Variants in ZC3H8 observed in about 807,000 individuals in gnomAD.
The protein encoded by ZC3H8 is zinc finger CCCH-type containing 8, also known as zinc finger CCCH domain-containing protein 8.
Under a neutral mutation model 42.5 loss-of-function variants are expected in ZC3H8, and 27 were observed. The ratio of observed to expected loss-of-function variants is 0.64; its 90% CI spans 0.47 to 0.88. ZC3H8 has a LOEUF of 0.88. Among genes scored for constraint, ZC3H8 ranks in the 40% least tolerant of loss-of-function variants. The probability of loss-of-function intolerance (pLI) is 0.00; values close to 1 mark genes in which losing one functional copy is unlikely to be tolerated. For synonymous variants in ZC3H8, 101 were observed against 110.1 expected, an observed-to-expected ratio of 0.92 and a Z score of 0.52; for missense variants, 277 against 336.1, an observed-to-expected ratio of 0.82 and a Z score of 1.37.
rs895131201 is a variant in ZC3H8, at chr2:112,211,546, AT to A, written c.*4937del. Reference sequence around the variant, plus strand: ...AAACTTTATTTCATAGTAAACTTTTATTTAACTATGTACAACTTCAGTTAAA... The same window carrying A: ...AAACTTTATTTCATAGTAAACTTTTATTAACTATGTACAACTTCAGTTAAA... On this transcript the variant is annotated 3_prime_UTR_variant, in exon 9 of 9. Transcript: ENST00000409573. 1.3e-5 allele frequency: 2 copies of A among 152,208 alleles called. No individual in the cohort carries two copies. The highest frequency in any genetic ancestry group is 4.8e-5 in the African/African-American group (2 of 41,448). The allele number at this position is 152,208 out of a possible 1,614,324, so 9.4% of individuals were successfully genotyped here. A position where few individuals can be genotyped will look rare whatever the true frequency, so the allele number is the denominator to read the frequency against.
chr2:112,230,988 AT>A, intron 7 of ZC3H8, 38 bp from the exon 8 acceptor site: 1 of 1,164,700 alleles, frequency 8.6e-7, no homozygotes. Flanking sequence ...ATTTTTATGC[AT>A]TCATGTGTAA....
intron 2 of ZC3H8, among the ~76,000 whole-genome samples, chr2:112,249,119 A>G (rs530895548): frequency 2.0e-5 from 3 of 152,242 alleles, no homozygotes; most frequent in African/African-American, 7.2e-5. Context: ...GAATTGCTTG[A>G]GTCCAGAAGG....
intron 8 of ZC3H8, among the ~76,000 whole-genome samples, chr2:112,220,731 G>A (rs548685323): frequency 6.6e-6 from 1 of 152,230 alleles, no homozygotes; most frequent in East Asian, 1.9e-4. Flanking sequence ...TGAGGCAGGA[G>A]AATCACTTGA....
At chr2:112,250,349 G>T in intron 1 of ZC3H8, 77 bp from the exon 2 acceptor site, 1 of 999,866 alleles carries the variant, frequency 1.0e-6, no homozygotes, top group Non-Finnish European at 1.4e-6. Flanking sequence ...ACAATTCACT[G>T]CTTTGGCTTG....
At chr2:112,243,142 C>A (rs963543829) in intron 2 of ZC3H8, among the ~76,000 whole-genome samples, 11 of 152,144 alleles carry the variant, frequency 7.2e-5, no homozygotes, top group Non-Finnish European at 1.6e-4. Context: ...CTGTGCTGTT[C>A]AAAGTTAAAA....
chr2:112,230,439 CTAAA>C (rs1305140282), intron 8 of ZC3H8, among the ~76,000 whole-genome samples: 1 of 151,898 alleles, frequency 6.6e-6, no homozygotes, highest in African/African-American at 2.4e-5. Flanking sequence ...TGAAAATAAC[CTAAA>C]TATTCATTAA....
Position 112,238,317 on chromosome 2 carries a change from T to C in ZC3H8, c.368A>G (p.Gln123Arg), listed in dbSNP as rs1685435758. The C allele has an allele frequency of 6.2e-7, 1 of 1,612,930 alleles. No homozygotes were observed. ...TGATAAAATAGTTTGACTCTTACCC[T>C]GTGGGGTATCTTTTACTCCTTCTTT... ...TKKEGVKDTP[Q>R]AAKQKNKNLK... is the part of the protein sequence containing the mutation. Residue 123 changes from glutamine to arginine, a missense_variant and splice_region_variant, in exon 3 of 9, where the codon CAG (glutamine) becomes CGG (arginine). Physicochemically the swap from Gln to Arg is conservative, Grantham distance 43. Transcript: ENST00000409573.
chr2:112,229,017 A>G (rs1684975094), intron 8 of ZC3H8, among the ~76,000 whole-genome samples: 1 of 152,228 alleles, frequency 6.6e-6, no homozygotes, highest in African/African-American at 2.4e-5. Context: ...CTCCTACTGG[A>G]AAAGCTATAA....
At chr2:112,217,373 A>G (rs1203923967) in intron 8 of ZC3H8, among the ~76,000 whole-genome samples, 2 of 152,212 alleles carry the variant, frequency 1.3e-5, no homozygotes, top group African/African-American at 4.8e-5. Flanking sequence ...AAAAAAAAAG[A>G]AAAGCTAAAA....
chr2:112,220,405 T>A (rs1558916931), intron 8 of ZC3H8, among the ~76,000 whole-genome samples: 1 of 152,230 alleles, frequency 6.6e-6, no homozygotes, highest in Non-Finnish European at 1.5e-5. Flanking sequence ...CCTTTGCTTA[T>A]GAAACTTAGT....
intron 8 of ZC3H8, among the ~76,000 whole-genome samples, chr2:112,222,653 T>C (rs1330841008): frequency 6.6e-6 from 1 of 152,170 alleles, no homozygotes; most frequent in African/African-American, 2.4e-5. Flanking sequence ...CTGTATGATT[T>C]CACTTATATG....
In ZC3H8 at chr2:112,253,369, T is replaced by C. The variant is rs547968884; in HGVS notation, c.74+1539A>G. ...CGTAGCAGGTGCTCAATACGATTTT[T>C]TGAATGAATGAGAAGTATTCCCATC... On this transcript the variant is annotated intron_variant, in intron 1 of 8. Transcript: ENST00000409573. Among the ~76,000 whole-genome samples, 19 of 152,338 alleles carry C rather than the reference T, an allele frequency of 1.2e-4. No individual in the cohort carries two copies. The East Asian group carries it at 3.3e-3, about 26-fold the overall frequency.
At chr2:112,240,952 AGTGTGT>A (rs67273091) in intron 2 of ZC3H8, among the ~76,000 whole-genome samples, 10,524 of 142,648 alleles carry the variant, frequency 0.074, 578 homozygotes, top group East Asian at 0.33. Flanking sequence ...TACAGGTAAC[AGTGTGT>A]GTGTGTGTGT....
intron 8 of ZC3H8, among the ~76,000 whole-genome samples, chr2:112,224,334 C>G (rs1183223564): frequency 6.6e-6 from 1 of 152,164 alleles, no homozygotes; most frequent in Non-Finnish European, 1.5e-5. Flanking sequence ...AAGTCAACAT[C>G]TCTTCCTGAT....
At chr2:112,233,660 G>T (rs749257520) in intron 5 of ZC3H8, among the ~76,000 whole-genome samples, 2 of 152,166 alleles carry the variant, frequency 1.3e-5, no homozygotes, top group Non-Finnish European at 2.9e-5. Context: ...GAGGTCAGGA[G>T]ATCGAGACCA....
intron 2 of ZC3H8, among the ~76,000 whole-genome samples, chr2:112,244,301 T>G (rs1222045321): frequency 6.6e-6 from 1 of 152,064 alleles, no homozygotes; most frequent in East Asian, 1.9e-4. Context: ...CTATCAACAA[T>G]GAGGTAAATT....
chr2:112,254,825 G>T (rs1012845774), intron 1 of ZC3H8, 83 bp downstream of exon 1: 3 of 1,485,280 alleles, frequency 2.0e-6, no homozygotes, highest in Non-Finnish European at 2.7e-6. Flanking sequence ...ACGTGGCCCC[G>T]GACTGCCTCC....
At chr2:112,249,739 C>A (rs1293489129) in intron 2 of ZC3H8, among the ~76,000 whole-genome samples, 1 of 152,160 alleles carries the variant, frequency 6.6e-6, no homozygotes, top group East Asian at 1.9e-4. Context: ...CCACCGCGCC[C>A]AGCCAAGTTC....
chr2:112,239,168 A>C (rs1215171923), intron 2 of ZC3H8, among the ~76,000 whole-genome samples: 4 of 152,246 alleles, frequency 2.6e-5, no homozygotes, highest in Non-Finnish European at 2.9e-5. Flanking sequence ...GCAAGGGTGA[A>C]GAACCCAGGC....
Sources: gnomAD v4.1 joint callset for allele counts (sites outside exome capture counted in the v4.1 genomes callset) on GRCh38, gnomAD v4.1.1 for gene constraint, MANE v1.5 for transcripts, NCBI Gene and HGNC (gene_info 2026-07-23, HGNC 2026-07-21) for gene names.